FSTL5: variants seen among roughly 807,000 people sequenced by gnomAD.
FSTL5 encodes the protein follistatin-related protein 5.
FSTL5 carries 62 observed loss-of-function variants against 89.1 expected under a neutral mutation model. The ratio of observed to expected loss-of-function variants is 0.70; its 90% confidence interval spans 0.57 to 0.86. FSTL5 has a LOEUF of 0.86. Ranked by LOEUF, FSTL5 falls within the 40% of genes least tolerant of loss-of-function variation. The pLI, the probability that FSTL5 is intolerant of heterozygous loss-of-function variation, is 0.00. For missense variants in FSTL5, 1,057 were observed against 1,001.6 expected (o/e 1.06, Z -0.75); for synonymous variants, 383 against 346.2 (o/e 1.11, Z -1.18).
At chr4:161,457,937 C>T (rs1005612784) in intron 14 of FSTL5, among the ~76,000 whole-genome samples, 23 of 152,104 alleles carry the variant, frequency 1.5e-4, no homozygotes, top group Admixed American at 1.4e-3. Context: ...TGACTTGCTT[C>T]GATGAATATG....
At chr4:161,922,497 C>G (rs1416164553) in intron 3 of FSTL5, among the ~76,000 whole-genome samples, 1 of 151,900 alleles carries the variant, frequency 6.6e-6, no homozygotes, top group Admixed American at 6.6e-5. Flanking sequence ...TGCTTACAAT[C>G]ACCCAGAGAA....
At position 161,670,970 on chromosome 4, in the gene FSTL5, T is replaced by C. The variant is rs142316141; in HGVS notation, c.728-14476A>G. 6.0e-3 allele frequency among the ~76,000 whole-genome samples: 921 copies of C among 152,312 alleles called. 9 individuals are homozygous for C. The highest frequency in any genetic ancestry group is 0.046 in the South Asian group (220 of 4,824). On this transcript the variant is annotated intron_variant, in intron 6 of 15. Transcript: ENST00000306100. ...AATGTCAGCTGTGAGCCTGGGAATC[T>C]TCTTTCTAATGCACAGGTCAAAAGC...
intron 15 of FSTL5, among the ~76,000 whole-genome samples, chr4:161,436,016 G>A (rs2126353240): frequency 6.6e-6 from 1 of 152,052 alleles, no homozygotes; most frequent in African/African-American, 2.4e-5. Flanking sequence ...CACATTTCTT[G>A]CCTTGATTGG....
intron 8 of FSTL5, among the ~76,000 whole-genome samples, chr4:161,549,547 T>C (rs1305009918): frequency 6.6e-6 from 1 of 151,904 alleles, no homozygotes; most frequent in Admixed American, 6.6e-5. Flanking sequence ...TTCTGACATT[T>C]ACAATTTAGC....
In FSTL5 at chr4:161,920,663, A is replaced by T; in HGVS notation, c.161-11T>A. 6.9e-7 allele frequency: 1 copy of T among 1,444,218 alleles called. No individual in the cohort carries two copies. The allele number at this position is 1,444,218 out of a possible 1,614,324, so 89.5% of individuals were successfully genotyped here. A position where few individuals can be genotyped will look rare whatever the true frequency, so the allele number is the denominator to read the frequency against. ...CCTGAATCATAAATCCTGAAGAATT[A>T]AAAAAAAATTGAAAATCGTTTGGTT... On this transcript the variant is annotated splice_polypyrimidine_tract_variant and intron_variant, in intron 3 of 15. Coordinates refer to ENST00000306100, the MANE Select transcript of FSTL5 (RefSeq NM_020116.5).
intron 2 of FSTL5, among the ~76,000 whole-genome samples, chr4:162,069,220 C>T (rs540506618): frequency 2.0e-5 from 3 of 151,972 alleles, no homozygotes; most frequent in East Asian, 1.9e-4. Flanking sequence ...AGCATCTTCC[C>T]TTGATATTCT....
At chr4:161,733,561 C>T (rs965138011) in intron 6 of FSTL5, among the ~76,000 whole-genome samples, 4 of 151,958 alleles carry the variant, frequency 2.6e-5, no homozygotes, top group African/African-American at 4.8e-5. Context: ...GTGGTGAGAG[C>T]AGATGCTTAC....
intron 3 of FSTL5, among the ~76,000 whole-genome samples, chr4:161,940,188 C>T (rs1734539710): frequency 1.3e-5 from 2 of 151,510 alleles, no homozygotes; most frequent in South Asian, 4.1e-4. Context: ...TTTTAGCAAG[C>T]AGAAAACATA....
In FSTL5 at chr4:161,913,758, C is replaced by T. The variant is rs181162709; in HGVS notation, c.409+6646G>A. 7.9e-5 allele frequency among the ~76,000 whole-genome samples: 12 copies of T among 152,192 alleles called. No individual in the cohort carries two copies. The South Asian group carries it at 8.3e-4, about 11-fold the overall frequency. ...GGATGTTTGAAATTTGACTGCCCTG[C>T]GGGATTTTGGACTTGCTTGGGCCCT... On this transcript the variant is annotated intron_variant, in intron 4 of 15. Coordinates refer to ENST00000306100, the MANE Select transcript of FSTL5 (RefSeq NM_020116.5).
At chr4:161,451,184 C>G (rs1349086899) in intron 15 of FSTL5, among the ~76,000 whole-genome samples, 1 of 106,020 alleles carries the variant, frequency 9.4e-6, no homozygotes, top group African/African-American at 3.8e-5. Context: ...TCCTTTTGCA[C>G]TCCATAATCT....
chr4:162,011,907 A>C (rs578133407), intron 3 of FSTL5, among the ~76,000 whole-genome samples: 2 of 152,220 alleles, frequency 1.3e-5, no homozygotes, highest in South Asian at 4.1e-4. Flanking sequence ...GCTATTTATT[A>C]TTCTTCTCTA....
chr4:161,451,555 C>T (rs1249783349), intron 15 of FSTL5, among the ~76,000 whole-genome samples: 1 of 152,170 alleles, frequency 6.6e-6, no homozygotes, highest in Non-Finnish European at 1.5e-5. Context: ...AATACTCAAA[C>T]ATTATTTTAT....
chr4:161,672,457 A>AGCTTTTT (rs1737149876), intron 6 of FSTL5, among the ~76,000 whole-genome samples: 1 of 152,028 alleles, frequency 6.6e-6, no homozygotes, highest in East Asian at 1.9e-4. Context: ...ATTAGAAATG[A>AGCTTTTT]GCTTTTTGCT....
At chr4:161,793,086 C>G (rs1421261677) in intron 4 of FSTL5, among the ~76,000 whole-genome samples, 4 of 152,242 alleles carry the variant, frequency 2.6e-5, no homozygotes, top group Non-Finnish European at 5.9e-5. Flanking sequence ...TCAGTGGAAG[C>G]TGTGTGCAGT....
intron 8 of FSTL5, among the ~76,000 whole-genome samples, chr4:161,582,950 G>A (rs981358861): frequency 2.0e-5 from 3 of 152,124 alleles, no homozygotes; most frequent in African/African-American, 7.2e-5. Context: ...CACTTTGGGA[G>A]GCTGAAGCGG....
chr4:162,026,505 A>C (rs1371204670), intron 3 of FSTL5, among the ~76,000 whole-genome samples: 1 of 151,310 alleles, frequency 6.6e-6, no homozygotes, highest in Non-Finnish European at 1.5e-5. Context: ...ACGGAATTTC[A>C]CCATGTTGGC....
intron 4 of FSTL5, among the ~76,000 whole-genome samples, chr4:161,858,873 C>T (rs531568640): frequency 3.0e-4 from 45 of 152,256 alleles, no homozygotes; most frequent in Non-Finnish European, 5.4e-4. Context: ...TTCTGTAATA[C>T]ATTTATGTAT....
chr4:161,984,958 A>AC (rs1735921751), intron 3 of FSTL5, among the ~76,000 whole-genome samples: 1 of 150,736 alleles, frequency 6.6e-6, no homozygotes, highest in Admixed American at 6.6e-5. Context: ...TTATCTGAAT[A>AC]CTTTTTTTTT....
chr4:161,731,030 A>G (rs1014074598), intron 6 of FSTL5, among the ~76,000 whole-genome samples: 1 of 152,226 alleles, frequency 6.6e-6, no homozygotes, highest in African/African-American at 2.4e-5. Flanking sequence ...ATAGATCTTT[A>G]AAACACTTGT....
Sources: gnomAD v4.1 joint callset for allele counts (sites outside exome capture counted in the v4.1 genomes callset) on GRCh38, gnomAD v4.1.1 for gene constraint, MANE v1.5 for transcripts, NCBI Gene and HGNC (gene_info 2026-07-23, HGNC 2026-07-21) for gene names.